RIN3: variants seen among roughly 807,000 people sequenced by gnomAD.
RIN3 encodes Ras and Rab interactor 3.
RIN3 carries 54 observed loss-of-function variants against 76.3 expected under a neutral mutation model. That is an observed-to-expected ratio of 0.71 (90% CI 0.57 to 0.89). The LOEUF (loss-of-function observed/expected upper bound fraction) is 0.89. Among genes scored for constraint, RIN3 ranks in the 40% least tolerant of loss-of-function variants. The probability of loss-of-function intolerance (pLI) is 0.00; values close to 1 mark genes in which losing one functional copy is unlikely to be tolerated. For synonymous variants in RIN3, 576 were observed against 564.0 expected, an observed-to-expected ratio of 1.02 and a Z score of -0.30; for missense variants, 1,256 against 1,322.1, an observed-to-expected ratio of 0.95 and a Z score of 0.78.
In RIN3 at chr14:92,654,949, A is replaced by C. The variant is rs570457840; in HGVS notation, c.2026+1874A>C. ...ACGTTGGGGGGCAGGTGGATCACCT[A>C]AGGTCAGGAGTTTGAGACCAGCCTG... is the stretch of plus-strand genomic sequence containing the variant. On this transcript the variant is annotated intron_variant, in intron 6 of 9. Coordinates refer to ENST00000216487, the MANE Select transcript of RIN3 (RefSeq NM_024832.5). 2.8e-3 allele frequency among the ~76,000 whole-genome samples: 430 copies of C among 152,076 alleles called. 2 individuals carry two copies. The highest frequency in any genetic ancestry group is 9.6e-3 in the African/African-American group (398 of 41,490).
Position 92,639,594 on chromosome 14 carries a change from T to G in RIN3, c.441-1644T>G, listed in dbSNP as rs1431148375. ...TCCTGGGGCCCTGGCAGTGCCACATTCCCCTTCCTGAGCGTGTGAAACAGC... is the reference window on the plus strand; with the variant it reads ...TCCTGGGGCCCTGGCAGTGCCACATGCCCCTTCCTGAGCGTGTGAAACAGC... On this transcript the variant is annotated intron_variant, in intron 4 of 9. Coordinates refer to ENST00000216487, the MANE Select transcript of RIN3 (RefSeq NM_024832.5). 3.3e-5 allele frequency among the ~76,000 whole-genome samples: 5 copies of G among 152,122 alleles called. No individual in the cohort carries two copies. The East Asian group carries it at 9.6e-4, about 29-fold the overall frequency.
intron 2 of RIN3, among the ~76,000 whole-genome samples, chr14:92,572,317 C>T (rs10148973): frequency 0.14 from 20,966 of 152,164 alleles, 2,382 homozygotes; most frequent in African/African-American, 0.3. Flanking sequence ...CTTACCAGTC[C>T]GGTGTTTCTA....
intron 1 of RIN3, among the ~76,000 whole-genome samples, chr14:92,543,127 G>GCGTCAAC (rs1897163899): frequency 6.6e-6 from 1 of 152,164 alleles, no homozygotes; most frequent in African/African-American, 2.4e-5. Flanking sequence ...ACCCAGCTCA[G>GCGTCAAC]CGTCAACCGC....
chr14:92,595,465 C>T (rs1885120057), intron 3 of RIN3, among the ~76,000 whole-genome samples: 1 of 152,192 alleles, frequency 6.6e-6, no homozygotes, highest in Non-Finnish European at 1.5e-5. Context: ...GGGAACTTGG[C>T]TTTGAGGGGG....
At chr14:92,674,134 G>A (rs753648177) in intron 7 of RIN3, among the ~76,000 whole-genome samples, 32 of 152,092 alleles carry the variant, frequency 2.1e-4, no homozygotes, top group Non-Finnish European at 3.5e-4. Flanking sequence ...AAACATCCTC[G>A]GGCACCTCGT....
chr14:92,647,246 C>G (rs1396819807), intron 5 of RIN3, among the ~76,000 whole-genome samples: 1 of 152,122 alleles, frequency 6.6e-6, no homozygotes, highest in African/African-American at 2.4e-5. Flanking sequence ...GTAAGAAAGT[C>G]CAAATTCGGA....
At chr14:92,620,598 G>A (rs1228722695) in intron 4 of RIN3, among the ~76,000 whole-genome samples, 1 of 151,908 alleles carries the variant, frequency 6.6e-6, no homozygotes, top group Non-Finnish European at 1.5e-5. Flanking sequence ...CCTTCCACTA[G>A]GAACTAAAAA....
chr14:92,658,024 G>T (rs112608686), intron 6 of RIN3, among the ~76,000 whole-genome samples: 32 of 152,236 alleles, frequency 2.1e-4, no homozygotes, highest in African/African-American at 7.7e-4. Flanking sequence ...GACAGAGGAG[G>T]GCCAAAACAA....
intron 8 of RIN3, 115 bp from the exon 9 acceptor site, chr14:92,684,872 C>A: frequency 9.0e-7 from 1 of 1,111,906 alleles, no homozygotes; most frequent in Non-Finnish European, 1.3e-6. Context: ...TGCAGATGTG[C>A]CTCAAGCAGA....
intron 3 of RIN3, among the ~76,000 whole-genome samples, chr14:92,603,846 C>T (rs2140091351): frequency 6.6e-6 from 1 of 152,358 alleles, no homozygotes; most frequent in Non-Finnish European, 1.5e-5. Context: ...AGGGCTGGGC[C>T]TGGAACCAGC....
At chr14:92,638,724 G>A (rs754074313) in intron 4 of RIN3, among the ~76,000 whole-genome samples, 8 of 152,114 alleles carry the variant, frequency 5.3e-5, no homozygotes, top group Non-Finnish European at 8.8e-5. Flanking sequence ...AGCACTGAGG[G>A]CCCATCCAGT....
chr14:92,688,030 G>T lies in RIN3; in HGVS notation c.2736G>T (p.Lys912Asn), dbSNP rs747762455. The T allele has an allele frequency of 1.3e-6, 2 of 1,593,334 alleles. No individual in the cohort carries two copies. The highest frequency in any genetic ancestry group is 1.7e-6 in the Non-Finnish European group (2 of 1,171,534). The change falls in exon 10 of 10, where the codon AAG (lysine) becomes AAT (asparagine). Residue 912 changes from lysine to asparagine, a missense_variant. Lys to Asn is a moderately conservative substitution (Grantham distance 94). Transcript: ENST00000216487. ...CGCTGTGCGCGCAGTGCGCGGAGAA[G>T]TTCGCGGTGGAGCGGCCGCAGGCGC... ...AQALCAQCAE[K>N]FAVERPQAHR...
intron 2 of RIN3, among the ~76,000 whole-genome samples, chr14:92,574,889 A>C (rs1472009897): frequency 6.6e-6 from 1 of 152,038 alleles, no homozygotes; most frequent in Non-Finnish European, 1.5e-5. Flanking sequence ...AAAATTGAGC[A>C]CTCAGGATCT....
chr14:92,560,897 G>A (rs1449221406), intron 2 of RIN3, among the ~76,000 whole-genome samples: 1 of 149,210 alleles, frequency 6.7e-6, no homozygotes, highest in Non-Finnish European at 1.5e-5. Flanking sequence ...GTGGGCGCCT[G>A]TAATCCCAGC....
intron 7 of RIN3, among the ~76,000 whole-genome samples, chr14:92,660,409 T>C (rs2140152059): frequency 6.6e-6 from 1 of 152,120 alleles, no homozygotes; most frequent in East Asian, 1.9e-4. Context: ...TGGGATGGCC[T>C]TGCCCACTTG....
intron 1 of RIN3, among the ~76,000 whole-genome samples, chr14:92,546,951 T>A (rs200756623): frequency 6.6e-6 from 1 of 150,960 alleles, no homozygotes; most frequent in East Asian, 1.9e-4. Flanking sequence ...CCAGCTCCAT[T>A]GTACAAATAA....
rs970997425 is a variant in RIN3 at position 92,688,812 on chromosome 14, C to G, written c.*560C>G. The G allele has an allele frequency of 6.5e-6, 1 of 154,686 alleles. No homozygotes were observed. The highest frequency in any genetic ancestry group is 1.4e-5 in the Non-Finnish European group (1 of 69,828). 9.6% of individuals were successfully genotyped at this position (154,686 alleles called of 1,614,324 possible). On this transcript the variant is annotated 3_prime_UTR_variant, in exon 10 of 10. Transcript: ENST00000216487. ...CCCCCAGACCCCGCAGCTCTGTGCC[C>G]GGCAAGAAGCAGCTAGACACACGCC...
intron 3 of RIN3, among the ~76,000 whole-genome samples, chr14:92,593,425 A>C (rs2140079821): frequency 6.6e-6 from 1 of 152,144 alleles, no homozygotes; most frequent in Non-Finnish European, 1.5e-5. Flanking sequence ...TCTACAAGAA[A>C]CCCACTTTAA....
At chr14:92,679,517 C>T (rs35581780) in intron 8 of RIN3, among the ~76,000 whole-genome samples, 23,455 of 152,204 alleles carry the variant, frequency 0.15, 1,980 homozygotes, top group African/African-American at 0.22. Flanking sequence ...GGCTCTCCAG[C>T]GAGGGCAGGG....
Sources: gnomAD v4.1 joint callset for allele counts (sites outside exome capture counted in the v4.1 genomes callset) on GRCh38, gnomAD v4.1.1 for gene constraint, MANE v1.5 for transcripts, NCBI Gene and HGNC (gene_info 2026-07-23, HGNC 2026-07-21) for gene names.